Variants in LIN7A observed in about 807,000 individuals in gnomAD.
The protein encoded by LIN7A is protein lin-7 homolog A.
Under a neutral mutation model 29.8 loss-of-function variants are expected in LIN7A, and 25 were observed. That is an observed-to-expected ratio of 0.84 (90% confidence interval 0.61 to 1.17). The LOEUF (loss-of-function observed/expected upper bound fraction) is 1.17, where lower values mean the gene tolerates loss of function less well. Among genes scored for constraint, LIN7A ranks in the 50% most tolerant of loss-of-function variants. The pLI is 0.00. For synonymous variants in LIN7A, 118 were observed against 107.5 expected (o/e 1.10, Z -0.60); for missense variants, 239 against 287.0 (o/e 0.83, Z 1.21).
intron 4 of LIN7A, among the ~76,000 whole-genome samples, chr12:80,827,767 T>G (rs748807535): frequency 6.6e-6 from 1 of 152,112 alleles, no homozygotes; most frequent in African/African-American, 2.4e-5. Context: ...TCCCAAACAG[T>G]ACTTATTCTC....
chr12:80,809,335 G>C (rs1871181517), intron 5 of LIN7A, among the ~76,000 whole-genome samples: 1 of 152,106 alleles, frequency 6.6e-6, no homozygotes, highest in Non-Finnish European at 1.5e-5. Flanking sequence ...ATTTCTGTTT[G>C]TGCAAATAGT....
chr12:80,837,141 A>G (rs1872619427), intron 4 of LIN7A, among the ~76,000 whole-genome samples: 1 of 152,088 alleles, frequency 6.6e-6, no homozygotes, highest in Admixed American at 6.6e-5. Context: ...TAGAAAACCA[A>G]CGTGCCCATG....
intron 1 of LIN7A, among the ~76,000 whole-genome samples, chr12:80,892,132 A>T (rs1041335424): frequency 1.3e-5 from 2 of 152,144 alleles, no homozygotes; most frequent in African/African-American, 4.8e-5. Context: ...TTGCACGTAC[A>T]TCTCCCTCCT....
intron 1 of LIN7A, among the ~76,000 whole-genome samples, chr12:80,908,934 C>T (rs1055161279): frequency 2.0e-5 from 3 of 151,834 alleles, no homozygotes; most frequent in African/African-American, 4.8e-5. Context: ...CTCCTAATCT[C>T]GTCTTTTAAT....
intron 4 of LIN7A, 130 bp from the exon 5 acceptor site, chr12:80,811,813 CT>C: frequency 9.6e-7 from 1 of 1,036,982 alleles, no homozygotes; most frequent in Non-Finnish European, 1.4e-6. Flanking sequence ...AATGAGTTAT[CT>C]TACCATCATC....
intron 2 of LIN7A, among the ~76,000 whole-genome samples, chr12:80,858,608 A>G (rs1050860570): frequency 2.2e-4 from 33 of 151,970 alleles, no homozygotes; most frequent in African/African-American, 8.0e-4. Flanking sequence ...GTGACAGGAA[A>G]TGCCTGAGCA....
intron 1 of LIN7A, among the ~76,000 whole-genome samples, chr12:80,918,454 T>C (rs1205912785): frequency 6.6e-6 from 1 of 152,148 alleles, no homozygotes; most frequent in Non-Finnish European, 1.5e-5. Context: ...GCAACTCTAA[T>C]GTCTCACCTC....
intron 1 of LIN7A, among the ~76,000 whole-genome samples, chr12:80,904,931 T>TTTCAAAGA (rs1876396856): frequency 6.6e-6 from 1 of 152,192 alleles, no homozygotes; most frequent in Admixed American, 6.5e-5. Flanking sequence ...TCACATTTTT[T>TTTCAAAGA]TTCAAAGATT....
chr12:80,817,379 C>T (rs1871586756), intron 4 of LIN7A, among the ~76,000 whole-genome samples: 1 of 152,096 alleles, frequency 6.6e-6, no homozygotes, highest in African/African-American at 2.4e-5. Context: ...TATCAGTCAT[C>T]AACTGGCTAA....
intron 4 of LIN7A, among the ~76,000 whole-genome samples, chr12:80,842,551 T>C (rs887281623): frequency 5.3e-5 from 8 of 152,184 alleles, no homozygotes; most frequent in Non-Finnish European, 7.4e-5. Flanking sequence ...TCTCCTGAAA[T>C]TGTACCTTAT....
intron 4 of LIN7A, among the ~76,000 whole-genome samples, chr12:80,840,780 T>C (rs544688132): frequency 1.9e-4 from 29 of 152,194 alleles, no homozygotes; most frequent in African/African-American, 6.7e-4. Context: ...TTGGAAGACA[T>C]AGAATCACAT....
intron 4 of LIN7A, among the ~76,000 whole-genome samples, chr12:80,826,121 T>G (rs1181885613): frequency 6.6e-6 from 1 of 152,236 alleles, no homozygotes; most frequent in Non-Finnish European, 1.5e-5. Flanking sequence ...AGTCAAAATT[T>G]AAAGGCTATT....
chr12:80,920,434 G>A (rs943167196), intron 1 of LIN7A, among the ~76,000 whole-genome samples: 1 of 152,158 alleles, frequency 6.6e-6, no homozygotes, highest in Non-Finnish European at 1.5e-5. Context: ...AGATGGAAGG[G>A]AGCAATGGGA....
At chr12:80,912,755 C>G (rs139437735) in intron 1 of LIN7A, among the ~76,000 whole-genome samples, 136 of 150,768 alleles carry the variant, frequency 9.0e-4, no homozygotes, top group Non-Finnish European at 1.8e-3. Flanking sequence ...AGAAAACACT[C>G]TATAGAAAAT....
intron 1 of LIN7A, among the ~76,000 whole-genome samples, chr12:80,901,975 T>C (rs905190490): frequency 2.6e-5 from 4 of 152,122 alleles, no homozygotes; most frequent in African/African-American, 9.7e-5. Flanking sequence ...ATCTATTTTA[T>C]TGAGAACATT....
At chr12:80,824,513 A>G (rs1358243431) in intron 4 of LIN7A, among the ~76,000 whole-genome samples, 2 of 152,228 alleles carry the variant, frequency 1.3e-5, no homozygotes, top group African/African-American at 2.4e-5. Flanking sequence ...AAATCATTCT[A>G]TGAAGCCAGT....
chr12:80,915,421 G>A (rs960652175), intron 1 of LIN7A, among the ~76,000 whole-genome samples: 1 of 152,156 alleles, frequency 6.6e-6, no homozygotes, highest in South Asian at 2.1e-4. Flanking sequence ...ATACACTGTT[G>A]GTGGAAATGT....
chr12:80,825,695 A>T (rs989222422), intron 4 of LIN7A, among the ~76,000 whole-genome samples: 1 of 152,210 alleles, frequency 6.6e-6, no homozygotes, highest in African/African-American at 2.4e-5. Context: ...GACAGCAAGT[A>T]TCATGGGCAA....
intron 2 of LIN7A, among the ~76,000 whole-genome samples, chr12:80,887,644 A>G (rs1438631256): frequency 6.6e-6 from 1 of 152,114 alleles, no homozygotes; most frequent in Non-Finnish European, 1.5e-5. Context: ...TAGAGCTTCA[A>G]CATGACCCCT....
Sources: gnomAD v4.1 joint callset for allele counts (sites outside exome capture counted in the v4.1 genomes callset) on GRCh38, gnomAD v4.1.1 for gene constraint, MANE v1.5 for transcripts, NCBI Gene and HGNC (gene_info 2026-07-23, HGNC 2026-07-21) for gene names.